Variants in HSPH1 observed in about 807,000 individuals in gnomAD.
The protein encoded by HSPH1 is heat shock protein family H (Hsp110) member 1.
Under a neutral mutation model 100.0 loss-of-function variants are expected in HSPH1, and 40 were observed. The ratio of observed to expected loss-of-function variants is 0.40; its 90% CI spans 0.31 to 0.52. The LOEUF is 0.52. HSPH1 is among the 20% of genes least tolerant of loss of function. HSPH1 has a pLI of 0.54. For missense variants in HSPH1, 876 were observed against 1,015.1 expected (o/e 0.86, Z 1.86); for synonymous variants, 403 against 344.0 (o/e 1.17, Z -1.90).
intron 10 of HSPH1, among the ~76,000 whole-genome samples, chr13:31,146,135 T>TA (rs1685737642): frequency 1.3e-5 from 2 of 152,118 alleles, no homozygotes; most frequent in Admixed American, 1.3e-4. Flanking sequence ...CCGTGTCTCT[T>TA]AATAAATCAA....
At chr13:31,158,966 G>C (rs1043684422) in intron 1 of HSPH1, 103 bp from the exon 2 acceptor site, 8 of 731,104 alleles carry the variant, frequency 1.1e-5, no homozygotes, top group Non-Finnish European at 1.9e-5. Flanking sequence ...TTAGGGGATA[G>C]GGAACAAGCA....
chr13:31,152,888 G>C lies in HSPH1; in HGVS notation c.493C>G (p.Leu165Val). 6.2e-7 allele frequency: 1 copy of C among 1,612,594 alleles called. No homozygotes were observed. The highest frequency in any genetic ancestry group is 8.5e-7 in the Non-Finnish European group (1 of 1,178,894). Reference sequence around the variant, plus strand: ...TCATTCATAAGTCTTAAACAGTTTAGGCCAACAATCTGTGCAGCATCTAAC... The same window carrying C: ...TCATTCATAAGTCTTAAACAGTTTACGCCAACAATCTGTGCAGCATCTAAC... ...SVLDAAQIVG[L>V]NCLRLMNDMT... The change falls in exon 5 of 18, where the codon CTA (leucine) becomes GTA (valine). Residue 165 changes from leucine (L) to valine (V), a missense_variant. Transcript: ENST00000320027.
chr13:31,152,972 T>C (rs570552267), intron 4 of HSPH1, 21 bp from the exon 5 acceptor site: 15 of 1,507,344 alleles, frequency 1.0e-5, no homozygotes, highest in African/African-American at 2.7e-5. Context: ...ACAAAAAATT[T>C]TGAATTATCT....
chr13:31,137,140 T>A lies in HSPH1; in HGVS notation c.*178A>T, dbSNP rs1164975790. The A allele has an allele frequency of 2.7e-6, 2 of 747,400 alleles. No individual in the cohort carries two copies. The allele number at this position is 747,400 out of a possible 1,614,324, so 46.3% of individuals were successfully genotyped here. ...AATCTGAAAGTTACCAAGGCAATTTTCCCTTTTAGGATCATAAAGACTACA... is the reference window on the plus strand; with the variant it reads ...AATCTGAAAGTTACCAAGGCAATTTACCCTTTTAGGATCATAAAGACTACA... On this transcript the variant is annotated 3_prime_UTR_variant, in exon 18 of 18. Coordinates refer to ENST00000320027, the MANE Select transcript of HSPH1 (RefSeq NM_006644.4).
Position 31,152,955 on chromosome 13 carries a change from C to A in HSPH1, c.430-4G>T. The A allele has an allele frequency of 6.3e-7, 1 of 1,594,714 alleles. No individual in the cohort carries two copies. The highest frequency in any genetic ancestry group is 1.3e-5 in the African/African-American group (1 of 74,446). ...CATCTGTAAAGAAGGAGGGGACCTA[C>A]AAACAAACAAAAAATTTTGAATTAT... On this transcript the variant is annotated splice_polypyrimidine_tract_variant and splice_region_variant and intron_variant, in intron 4 of 17. Coordinates refer to ENST00000320027, the MANE Select transcript of HSPH1 (RefSeq NM_006644.4).
rs1013565429 is a variant in HSPH1, at chr13:31,135,473, G to A, written c.*1845C>T. 2 of 152,214 alleles carry A rather than the reference G, an allele frequency of 1.3e-5. No homozygotes were observed. The highest frequency in any genetic ancestry group is 4.8e-5 in the African/African-American group (2 of 41,462). The allele number at this position is 152,214 out of a possible 1,614,324, so 9.4% of individuals were successfully genotyped here. ...TTTAAAGTTGCTAAATGGTAAAGCA[G>A]CTAGAAATTATAAAGTAGGGAAATG... On this transcript the variant is annotated 3_prime_UTR_variant, in exon 18 of 18. Transcript: ENST00000320027.
At chr13:31,151,441 T>C (rs1593201006) in intron 6 of HSPH1, 168 bp downstream of exon 6, 2 of 686,328 alleles carry the variant, frequency 2.9e-6, no homozygotes, top group East Asian at 2.8e-5. Flanking sequence ...CTAAGACAAT[T>C]ACATCATCTT....
intron 8 of HSPH1, among the ~76,000 whole-genome samples, chr13:31,149,337 G>A (rs1956393660): frequency 6.6e-6 from 1 of 151,926 alleles, no homozygotes; most frequent in South Asian, 2.1e-4. Context: ...ACTGCTACTA[G>A]CTTAAAACTC....
In HSPH1 at chr13:31,135,797, G is replaced by C. The variant is rs1425266807; in HGVS notation, c.*1521C>G. On this transcript the variant is annotated 3_prime_UTR_variant, in exon 18 of 18. Transcript: ENST00000320027. ...ATTACTCCGTGATGTGTGGAGCACA[G>C]AGTAGCTAAATAGTACTTATAATAA... 1.3e-5 allele frequency: 2 copies of C among 152,232 alleles called. No individual in the cohort carries two copies. The highest frequency in any genetic ancestry group is 1.5e-5 in the Non-Finnish European group (1 of 68,042). The allele number at this position is 152,232 out of a possible 1,614,324, so 9.4% of individuals were successfully genotyped here.
In HSPH1 at chr13:31,154,632, C is replaced by G; in HGVS notation, c.429+1G>C. On this transcript the variant is annotated splice_donor_variant, in intron 4 of 17. Transcript: ENST00000320027. LOFTEE classifies it high-confidence loss of function. ...ACACTGCCTTGCTGAATTATACTTACTGAAATAACACAATCTGTTACTGGT... is the reference window on the plus strand; with the variant it reads ...ACACTGCCTTGCTGAATTATACTTAGTGAAATAACACAATCTGTTACTGGT... The G allele has an allele frequency of 6.2e-7, 1 of 1,614,046 alleles. No homozygotes were observed. Among genetic ancestry groups the G allele is most frequent in the Non-Finnish European group, 8.5e-7 (1 of 1,179,934 alleles).
At chr13:31,153,821 G>GA (rs113691420) in intron 4 of HSPH1, among the ~76,000 whole-genome samples, 4 of 108,554 alleles carry the variant, frequency 3.7e-5, no homozygotes, top group Non-Finnish European at 7.9e-5. Flanking sequence ...CTCACCAGGG[G>GA]AAAAAAAATG....
At chr13:31,144,520 A>T (rs775629603) in intron 11 of HSPH1, among the ~76,000 whole-genome samples, 69 of 152,178 alleles carry the variant, frequency 4.5e-4, no homozygotes, top group Non-Finnish European at 9.6e-4. Context: ...CTAATTAAAA[A>T]TTTGGTAAAG....
At chr13:31,160,816 G>C (rs1049595866) in intron 1 of HSPH1, among the ~76,000 whole-genome samples, 3 of 152,188 alleles carry the variant, frequency 2.0e-5, no homozygotes, top group African/African-American at 7.2e-5. Context: ...TTTCGACAAT[G>C]ATCCCGGGCA....
At chr13:31,162,362 G>C (rs1211358103), upstream of HSPH1, 1 of 546,786 alleles carries the variant, frequency 1.8e-6, no homozygotes, top group African/African-American at 1.9e-5. Context: ...AGCATGTTGG[G>C]AATCGTAGTC....
chr13:31,155,593 T>C lies in HSPH1; in HGVS notation c.227A>G (p.Asn76Ser). The C allele has an allele frequency of 6.2e-7, 1 of 1,611,738 alleles. No individual in the cohort carries two copies. The highest frequency in any genetic ancestry group is 8.5e-7 in the Non-Finnish European group (1 of 1,178,194). The stretch of plus-strand genomic sequence containing the variant: ...CTTCTCCTTTTGAATGAAGGGGTCA[T>C]TGAATGCTCGGCCATGAAATCTTTT... ...NFKRFHGRAF[N>S]DPFIQKEKEN... is the part of the protein sequence containing the mutation. The change falls in exon 3 of 18, where the codon AAT becomes AGT. Residue 76 changes from asparagine (N) to serine (S), a missense_variant. Transcript: ENST00000320027.
chr13:31,160,870 G>A lies in HSPH1; in HGVS notation c.107+606C>T, dbSNP rs150934460. Among the ~76,000 whole-genome samples, 121 of 152,358 alleles carry A rather than the reference G, an allele frequency of 7.9e-4. 2 individuals carry two copies. The East Asian group carries it at 8.5e-3, about 11-fold the overall frequency. The stretch of plus-strand genomic sequence containing the variant: ...GCAACGAAGAGACTGGGTAAAAAGA[G>A]GTGGGCTAATCTTTCATAGGACTGC... On this transcript the variant is annotated intron_variant, in intron 1 of 17. Transcript: ENST00000320027.
At chr13:31,147,667 G>T (rs891696503) in intron 10 of HSPH1, among the ~76,000 whole-genome samples, 2 of 151,928 alleles carry the variant, frequency 1.3e-5, no homozygotes, top group Non-Finnish European at 2.9e-5. Context: ...GACTGTATCA[G>T]AACAGTGAAA....
intron 4 of HSPH1, among the ~76,000 whole-genome samples, chr13:31,153,674 A>G (rs1389918308): frequency 6.6e-6 from 1 of 152,190 alleles, no homozygotes; most frequent in African/African-American, 2.4e-5. Context: ...CAAAGTACCT[A>G]AGAGAGAGTT....
At chr13:31,162,337 G>A (rs1956954137), upstream of HSPH1, 1 of 573,954 alleles carries the variant, frequency 1.7e-6, no homozygotes, top group Non-Finnish European at 3.1e-6. Flanking sequence ...GGGGAGGCCG[G>A]CCAGCTGTCC....
Sources: gnomAD v4.1 joint callset for allele counts (sites outside exome capture counted in the v4.1 genomes callset) on GRCh38, gnomAD v4.1.1 for gene constraint, MANE v1.5 for transcripts, NCBI Gene and HGNC (gene_info 2026-07-23, HGNC 2026-07-21) for gene names.